WDR91: variants seen among roughly 807,000 people sequenced by gnomAD.
WDR91 encodes WD repeat domain 91, also known as WD repeat-containing protein 91.
In WDR91, 52 loss-of-function variants were observed where a neutral mutation model predicts 88.4. The observed-to-expected ratio is 0.59, with a 90% confidence interval of 0.47 to 0.74. WDR91 has a LOEUF of 0.74. Among genes scored for constraint, WDR91 ranks in the 30% least tolerant of loss-of-function variants. The pLI is 0.00. For missense variants in WDR91, 824 were observed against 954.5 expected (o/e 0.86, Z 1.80); for synonymous variants, 362 against 389.5 (o/e 0.93, Z 0.83).
intron 13 of WDR91, among the ~76,000 whole-genome samples, chr7:135,187,974 T>C (rs1197694720): frequency 6.6e-6 from 1 of 152,230 alleles, no homozygotes; most frequent in Non-Finnish European, 1.5e-5. Context: ...TCACTATTCC[T>C]AGTTCCTAAC....
intron 9 of WDR91, 153 bp from the exon 10 acceptor site, chr7:135,193,825 G>A: frequency 1.6e-6 from 1 of 628,554 alleles, no homozygotes; most frequent in Non-Finnish European, 2.8e-6. Context: ...GCTACAATGA[G>A]CCTCACTTTA....
chr7:135,193,797 C>G, intron 9 of WDR91, 125 bp from the exon 10 acceptor site: 1 of 727,734 alleles, frequency 1.4e-6, no homozygotes, highest in Non-Finnish European at 2.4e-6. Flanking sequence ...CGCATCCAGG[C>G]AGTTCAGGGG....
intron 12 of WDR91, 88 bp from the exon 13 acceptor site, chr7:135,188,633 C>T: frequency 1.7e-6 from 2 of 1,157,510 alleles, no homozygotes; most frequent in Non-Finnish European, 2.6e-6. Context: ...TCACCCTCTA[C>T]TCAGGCTGAC....
At chr7:135,201,731 A>G (rs1260702960) in intron 6 of WDR91, among the ~76,000 whole-genome samples, 1 of 152,244 alleles carries the variant, frequency 6.6e-6, no homozygotes, top group African/African-American at 2.4e-5. Context: ...GACATGCTTA[A>G]TATGCACTTA....
chr7:135,209,511 A>G, intron 2 of WDR91, 65 bp downstream of exon 2: 1 of 1,435,908 alleles, frequency 7.0e-7, no homozygotes, highest in Non-Finnish European at 9.3e-7. Flanking sequence ...ACTGGAAGAA[A>G]ATCTATTTTG....
At chr7:135,200,430 G>A (rs985281669) in intron 6 of WDR91, 2 of 152,188 alleles carry the variant, frequency 1.3e-5, no homozygotes, top group African/African-American at 4.8e-5. Context: ...GTACTCTCTA[G>A]ACAATGACAC....
chr7:135,208,860 A>G lies in WDR91; in HGVS notation c.442T>C (p.Ser148Pro). 1 of 1,614,124 alleles carries G rather than the reference A, an allele frequency of 6.2e-7. No individual in the cohort carries two copies. The highest frequency in any genetic ancestry group is 8.5e-7 in the Non-Finnish European group (1 of 1,179,992). ...ATGAAGGTGTCAGCCCACTGTCGAG[A>G]AAAGTAGGTAGCAAAGGTGGGGTTG... is the stretch of plus-strand genomic sequence containing the variant. ...DTNPTFATYF[S>P]RQWADTFIVS... Residue 148 changes from serine to proline, a missense_variant, in exon 3 of 15, where the codon TCT becomes CCT. Ser to Pro is a moderately conservative substitution (Grantham distance 74, BLOSUM62 -1). Coordinates refer to ENST00000354475, the MANE Select transcript of WDR91 (RefSeq NM_014149.4).
At position 135,211,067 on chromosome 7, in the gene WDR91, C is replaced by T. The variant is rs781632523; in HGVS notation, c.123+313G>A. Among the ~76,000 whole-genome samples the T allele has an allele frequency of 3.5e-4, 54 of 152,242 alleles. 1 individual carries two copies. The highest frequency in any genetic ancestry group is 5.4e-4 in the Non-Finnish European group (37 of 68,034). ...GCCAAAACGCAACCATCTACCTAAC[C>T]TCGGCTCCTAAAACCTCATCGCCAT... On this transcript the variant is annotated intron_variant, in intron 1 of 14. Coordinates refer to ENST00000354475, the MANE Select transcript of WDR91 (RefSeq NM_014149.4).
chr7:135,193,928 CAT>C (rs1257995264), intron 9 of WDR91: 1 of 452,324 alleles, frequency 2.2e-6, no homozygotes, highest in Non-Finnish European at 4.1e-6. Flanking sequence ...ACCTTGGACA[CAT>C]ATGGAAATGT....
intron 6 of WDR91, among the ~76,000 whole-genome samples, chr7:135,200,661 T>C (rs1016255213): frequency 6.6e-6 from 1 of 152,264 alleles, no homozygotes; most frequent in African/African-American, 2.4e-5. Flanking sequence ...AGTCTTTAAC[T>C]GCTGGCTTCA....
chr7:135,206,174 C>T (rs1180745049), intron 4 of WDR91, 116 bp from the exon 5 acceptor site: 12 of 1,309,202 alleles, frequency 9.2e-6, no homozygotes, highest in African/African-American at 1.4e-5. Flanking sequence ...CTCGCCTCAG[C>T]GTCAAGGGGC....
chr7:135,193,943 T>C lies in WDR91; in HGVS notation c.1396-271A>G. On this transcript the variant is annotated intron_variant, in intron 9 of 14. Coordinates refer to ENST00000354475, the MANE Select transcript of WDR91 (RefSeq NM_014149.4). Reference sequence around the variant, plus strand: ...ACCTTGGACACATATGGAAATGTTCTGGCTGGTGAATGAGGCCCTCTGATC... The same window carrying C: ...ACCTTGGACACATATGGAAATGTTCCGGCTGGTGAATGAGGCCCTCTGATC... 3 of 403,540 alleles carry C rather than the reference T, an allele frequency of 7.4e-6. No individual in the cohort carries two copies. The South Asian group carries it at 8.3e-5, about 11-fold the overall frequency. The allele number at this position is 403,540 out of a possible 1,614,324, so 25.0% of individuals were successfully genotyped here.
At chr7:135,208,429 C>T (rs1831887017) in intron 3 of WDR91, among the ~76,000 whole-genome samples, 1 of 152,094 alleles carries the variant, frequency 6.6e-6, no homozygotes, top group South Asian at 2.1e-4. Context: ...AAGGTATATC[C>T]CCGGGAACAC....
At chr7:135,211,106 G>A (rs1043164883) in intron 1 of WDR91, among the ~76,000 whole-genome samples, 2 of 152,194 alleles carry the variant, frequency 1.3e-5, no homozygotes, top group African/African-American at 4.8e-5. Context: ...GGCCAAGGAG[G>A]CTGGAGTGGA....
At chr7:135,188,617 G>GC in intron 12 of WDR91, 72 bp from the exon 13 acceptor site, 1 of 1,323,730 alleles carries the variant, frequency 7.6e-7, no homozygotes. Flanking sequence ...GCAGCAGGAG[G>GC]CCCCCTCACC....
chr7:135,195,521 A>G (rs1831331807), intron 8 of WDR91, among the ~76,000 whole-genome samples: 2 of 152,260 alleles, frequency 1.3e-5, no homozygotes, highest in Admixed American at 6.5e-5. Context: ...CTTAAGTAAA[A>G]ACTTACAAAT....
Position 135,204,452 on chromosome 7 carries a change from AC to A in WDR91, c.726-20del. 1 of 1,613,234 alleles carries A rather than the reference AC, an allele frequency of 6.2e-7. No homozygotes were observed. Among genetic ancestry groups the A allele is most frequent in the South Asian group, 1.1e-5 (1 of 90,988 alleles). On this transcript the variant is annotated intron_variant, in intron 5 of 14. Transcript: ENST00000354475. The stretch of plus-strand genomic sequence containing the variant: ...CATGGCACTGGTCAGCAAACACACC[AC>A]AGGGTCAGAGGGCTGAAACAGGATG...
rs532265886 is a variant in WDR91, at chr7:135,193,599, T to C, written c.1469A>G (p.Asn490Ser). 64 of 1,614,190 alleles carry C rather than the reference T, an allele frequency of 4.0e-5. No homozygotes were observed. Among genetic ancestry groups the C allele is most frequent in the Admixed American group, 5.0e-5 (3 of 60,030 alleles). The part of the protein sequence containing the change: ...TEAKKNLCEI[N>S]INDNMPRILS... Reference sequence around the variant, plus strand: ...TCACCTGGGCATGTTGTCGTTGATATTGATTTCACAGAGATTCTTCTTGGC... The same window carrying C: ...TCACCTGGGCATGTTGTCGTTGATACTGATTTCACAGAGATTCTTCTTGGC... Residue 490 changes from asparagine to serine, a missense_variant, in exon 10 of 15, where the codon AAT becomes AGT. Coordinates refer to ENST00000354475, the MANE Select transcript of WDR91 (RefSeq NM_014149.4).
intron 1 of WDR91, among the ~76,000 whole-genome samples, chr7:135,210,217 G>C (rs568928408): frequency 5.3e-4 from 81 of 152,326 alleles, no homozygotes; most frequent in Non-Finnish European, 9.3e-4. Context: ...GGACGTGGTG[G>C]CACGCGCCTG....
Sources: gnomAD v4.1 joint callset for allele counts (sites outside exome capture counted in the v4.1 genomes callset) on GRCh38, gnomAD v4.1.1 for gene constraint, MANE v1.5 for transcripts, NCBI Gene and HGNC (gene_info 2026-07-23, HGNC 2026-07-21) for gene names.